Variants in ERC2 observed in about 807,000 individuals in gnomAD.
ERC2 encodes the protein ERC protein 2.
A neutral mutation model predicts 114.8 loss-of-function variants in ERC2; 42 were observed. The ratio of observed to expected loss-of-function variants is 0.37; its 90% CI spans 0.29 to 0.47. The LOEUF is 0.47. Ranked by LOEUF, ERC2 falls within the 20% of genes least tolerant of loss-of-function variation. ERC2 has a pLI of 0.99. For synonymous variants in ERC2, 454 were observed against 425.5 expected (o/e 1.07, Z -0.82); for missense variants, 939 against 1,150.7 (o/e 0.82, Z 2.66).
At chr3:55,664,299 T>C (rs1202375362) in intron 17 of ERC2, among the ~76,000 whole-genome samples, 1 of 152,190 alleles carries the variant, frequency 6.6e-6, no homozygotes, top group Non-Finnish European at 1.5e-5. Flanking sequence ...ACTTAATTCC[T>C]GTGATACAAA....
chr3:56,117,370 T>G (rs1199539257), intron 6 of ERC2, among the ~76,000 whole-genome samples: 2 of 152,228 alleles, frequency 1.3e-5, no homozygotes, highest in South Asian at 2.1e-4. Context: ...AATATGAATT[T>G]TACATAATCC....
chr3:56,007,104 T>C, intron 10 of ERC2, 77 bp downstream of exon 10: 3 of 1,362,750 alleles, frequency 2.2e-6, no homozygotes, highest in Non-Finnish European at 2.9e-6. Flanking sequence ...TGTTTCTTTT[T>C]AAAAACGTCT....
intron 3 of ERC2, among the ~76,000 whole-genome samples, chr3:56,270,749 G>C (rs1404344033): frequency 6.6e-6 from 1 of 152,220 alleles, no homozygotes; most frequent in Non-Finnish European, 1.5e-5. Context: ...GGAGGCCAAG[G>C]TGGGCGGATC....
intron 17 of ERC2, among the ~76,000 whole-genome samples, chr3:55,590,459 C>T (rs1027003955): frequency 1.3e-5 from 2 of 152,204 alleles, no homozygotes; most frequent in African/African-American, 4.8e-5. Context: ...ATGATGTTCA[C>T]TGCAGCCTTC....
At chr3:56,250,007 G>A (rs1388061849) in intron 3 of ERC2, among the ~76,000 whole-genome samples, 2 of 151,848 alleles carry the variant, frequency 1.3e-5, no homozygotes, top group African/African-American at 2.4e-5. Context: ...ACAGGCGCCC[G>A]CCACCACACC....
At chr3:56,448,891 C>T (rs771083732) in intron 1 of ERC2, among the ~76,000 whole-genome samples, 5 of 151,948 alleles carry the variant, frequency 3.3e-5, no homozygotes, top group South Asian at 2.1e-4. Context: ...CTGATTAACA[C>T]GGTGAAACCC....
intron 3 of ERC2, among the ~76,000 whole-genome samples, chr3:56,221,267 G>T (rs116675556): frequency 2.0e-5 from 3 of 152,034 alleles, no homozygotes; most frequent in East Asian, 3.9e-4. Flanking sequence ...ATTAGCAAGT[G>T]TCAATAATGC....
rs143767835 is a variant in ERC2, at chr3:55,584,336, A to G, written c.*40-73060T>C. 2.0e-5 allele frequency among the ~76,000 whole-genome samples: 3 copies of G among 152,302 alleles called. No homozygotes were observed. The East Asian group carries it at 5.8e-4, about 29-fold the overall frequency. ...TGGAGCTTTAATAAGGACTTAAAGT[A>G]TTAACAGGCATGCAGTCCTTAGAGC... is the stretch of plus-strand genomic sequence containing the variant. On this transcript the variant is annotated intron_variant, in intron 17 of 17. Coordinates refer to ENST00000288221, the MANE Select transcript of ERC2 (RefSeq NM_015576.3).
chr3:56,431,344 C>A (rs952779452), intron 2 of ERC2, among the ~76,000 whole-genome samples: 1 of 152,184 alleles, frequency 6.6e-6, no homozygotes, highest in Non-Finnish European at 1.5e-5. Flanking sequence ...CCACCTCACA[C>A]TCCCTTCAAT....
intron 14 of ERC2, among the ~76,000 whole-genome samples, chr3:55,765,842 A>T (rs964021230): frequency 6.6e-6 from 1 of 152,206 alleles, no homozygotes; most frequent in African/African-American, 2.4e-5. Context: ...CATTTTGCTG[A>T]ATAAAATGAT....
rs150162331 is a variant in ERC2 at position 55,637,688 on chromosome 3, T to A, written c.*39+46106A>T. ...GCATTTTACTTATTGATATGTTTAG[T>A]TTTTTTTGTTAACTCCCTACTAGAC... is the stretch of plus-strand genomic sequence containing the variant. On this transcript the variant is annotated intron_variant, in intron 17 of 17. Coordinates refer to ENST00000288221, the MANE Select transcript of ERC2 (RefSeq NM_015576.3). Among the ~76,000 whole-genome samples the A allele has an allele frequency of 7.0e-4, 106 of 152,168 alleles. 1 individual carries two copies. The highest frequency in any genetic ancestry group is 2.4e-3 in the African/African-American group (100 of 41,504).
chr3:56,157,746 G>GAA (rs111838946), intron 4 of ERC2, among the ~76,000 whole-genome samples: 14 of 134,470 alleles, frequency 1.0e-4, no homozygotes, highest in African/African-American at 3.8e-4. Flanking sequence ...TTGTCTCATG[G>GAA]AAAAAAAAAA....
At chr3:55,971,917 C>T (rs545486016) in intron 12 of ERC2, among the ~76,000 whole-genome samples, 2 of 152,314 alleles carry the variant, frequency 1.3e-5, no homozygotes, top group South Asian at 4.2e-4. Context: ...CAATAGATCA[C>T]TGTGCTCTAC....
At chr3:55,926,974 C>A (rs1324621696) in intron 13 of ERC2, among the ~76,000 whole-genome samples, 5 of 151,980 alleles carry the variant, frequency 3.3e-5, no homozygotes, top group Non-Finnish European at 5.9e-5. Context: ...TGTTTTTGTG[C>A]AGTTAGTTAC....
At chr3:56,299,119 G>GTTT (rs1162614631) in intron 2 of ERC2, among the ~76,000 whole-genome samples, 10 of 108,136 alleles carry the variant, frequency 9.2e-5, no homozygotes, top group African/African-American at 2.0e-4. Flanking sequence ...TTTTTTTTTT[G>GTTT]TTTTTTTTTT....
At chr3:55,517,788 C>G (rs981887933) in intron 17 of ERC2, among the ~76,000 whole-genome samples, 1 of 152,222 alleles carries the variant, frequency 6.6e-6, no homozygotes, top group Non-Finnish European at 1.5e-5. Context: ...CTTTTGTCTT[C>G]TCAAGGGCAG....
chr3:56,435,165 GA>G lies in ERC2; in HGVS notation c.-140-19del, dbSNP rs1485612404. On this transcript the variant is annotated intron_variant, in intron 1 of 17. Transcript: ENST00000288221. ...TCAGAGATCTACAAAGTGAAAAAAA[GA>G]ATAATTAAAAACAAATTTCTTTAGA... 1.6e-6 allele frequency: 1 copy of G among 611,396 alleles called. No individual in the cohort carries two copies. The highest frequency in any genetic ancestry group is 1.9e-5 in the African/African-American group (1 of 54,032). The allele number at this position is 611,396 out of a possible 1,614,324, so 37.9% of individuals were successfully genotyped here.
chr3:55,652,859 C>CAAAAAAAAAAAAAAAAAAAAAAAAAAAAA (rs3059334), intron 17 of ERC2, among the ~76,000 whole-genome samples: 1 of 74,378 alleles, frequency 1.3e-5, no homozygotes, highest in Non-Finnish European at 2.6e-5. Context: ...GACTCTGTCT[C>CAAAAAAAAAAAAAAAAAAAAAAAAAAAAA]AAAAAAAAAA....
chr3:56,426,615 G>A (rs890055896), intron 2 of ERC2, among the ~76,000 whole-genome samples: 1 of 152,152 alleles, frequency 6.6e-6, no homozygotes, highest in African/African-American at 2.4e-5. Context: ...CCATGTTTGT[G>A]GGGTTTAGTT....
Sources: allele counts gnomAD v4.1 joint callset (sites outside exome capture counted in the v4.1 genomes callset), GRCh38; gene constraint gnomAD v4.1.1; transcripts MANE v1.5; gene names NCBI Gene and HGNC (gene_info 2026-07-23, HGNC 2026-07-21).